CRYBG2: variants seen among roughly 807,000 people sequenced by gnomAD.
The protein encoded by CRYBG2 is beta/gamma crystallin domain-containing protein 2.
CRYBG2 carries 106 observed loss-of-function variants against 153.4 expected under a neutral mutation model. The observed-to-expected ratio is 0.69, with a 90% CI of 0.59 to 0.81. The LOEUF (loss-of-function observed/expected upper bound fraction) is 0.81, where lower values mean the gene tolerates loss of function less well. Among genes scored for constraint, CRYBG2 ranks in the 30% least tolerant of loss-of-function variants. CRYBG2 has a pLI of 0.00. For synonymous variants in CRYBG2, 851 were observed against 877.8 expected (o/e 0.97, Z 0.54); for missense variants, 1,996 against 2,112.0 (o/e 0.95, Z 1.08).
At chr1:26,329,349 G>A (rs751566912) in intron 15 of CRYBG2, among the ~76,000 whole-genome samples, 1 of 151,596 alleles carries the variant, frequency 6.6e-6, no homozygotes, top group Non-Finnish European at 1.5e-5. Flanking sequence ...GCTAATTTTT[G>A]TACTTTTAGT....
chr1:26,324,287 C>T lies in CRYBG2; in HGVS notation c.4602G>A (p.Trp1534Ter). The T allele has an allele frequency of 6.2e-7, 1 of 1,609,256 alleles. No individual in the cohort carries two copies. The highest frequency in any genetic ancestry group is 1.7e-4 in the Middle Eastern group (1 of 6,056). ...IKQRRVYFRL[W>*]NAALGGFLAV... ...CCAGGAATCCCCCCAGTGCTGCATT[C>T]CAGAGGCGGAAATAAACCCGGCGCT... The change falls in exon 18 of 20, where the codon TGG (tryptophan) becomes TGA (stop). Residue 1534 changes from tryptophan (W) to a stop codon, truncating the protein, a stop_gained. Transcript: ENST00000308182. LOFTEE classifies it high-confidence loss of function.
In CRYBG2 at chr1:26,336,453, C is replaced by G. The variant is rs914403808; in HGVS notation, c.4039-83G>C. 12 of 1,567,370 alleles carry G rather than the reference C, an allele frequency of 7.7e-6. No homozygotes were observed. The highest frequency in any genetic ancestry group is 2.7e-5 in the African/African-American group (2 of 73,476). ...CTCTAGGTTTCAGTACCGTCCACCC[C>G]GCGGCCGCGCCCTCGGCCCCGCCCC... is the stretch of plus-strand genomic sequence containing the variant. On this transcript the variant is annotated intron_variant, in intron 12 of 19. Coordinates refer to ENST00000308182, the MANE Select transcript of CRYBG2 (RefSeq NM_001039775.4). This position sits in a 1 kb window ranked among gnomAD's most constrained non-coding sequence, Gnocchi z 4.9.
In CRYBG2 at chr1:26,336,736, C is replaced by A. The variant is rs376518793; in HGVS notation, c.3912-4G>T. On this transcript the variant is annotated splice_polypyrimidine_tract_variant and splice_region_variant and intron_variant, in intron 11 of 19. Transcript: ENST00000308182. The surrounding 1 kb of genome is among the most constrained non-coding windows in gnomAD (Gnocchi z 4.9). Reference sequence around the variant, plus strand: ...CACCTCCTGGTAGGCCACCCACCTGCAGGAAGGGCGGGGCGCGAGTCAGCT... The same window carrying A: ...CACCTCCTGGTAGGCCACCCACCTGAAGGAAGGGCGGGGCGCGAGTCAGCT... 6.3e-7 allele frequency: 1 copy of A among 1,584,012 alleles called. No individual in the cohort carries two copies. The highest frequency in any genetic ancestry group is 8.6e-7 in the Non-Finnish European group (1 of 1,164,894).
chr1:26,342,062 A>T (rs896356818), intron 5 of CRYBG2, among the ~76,000 whole-genome samples: 1 of 152,122 alleles, frequency 6.6e-6, no homozygotes, highest in African/African-American at 2.4e-5. Context: ...TGCCTGGCAC[A>T]TATTAGACAT....
chr1:26,344,722 C>T lies in CRYBG2; in HGVS notation c.1936G>A (p.Glu646Lys). The T allele has an allele frequency of 1.3e-6, 2 of 1,534,718 alleles. No homozygotes were observed. Among genetic ancestry groups the T allele is most frequent in the Non-Finnish European group, 1.7e-6 (2 of 1,146,006 alleles). ...GPKGSSSIQK[E>K]AVQGIAGSLA... The stretch of plus-strand genomic sequence containing the variant: ...CTGCCTGCAATACCCTGGACAGCCT[C>T]TTTTTGGATGCTACTGCTGCCTTTT... Residue 646 changes from glutamate (E) to lysine (K), a missense_variant, in exon 2 of 20, where the codon GAG becomes AAG. Coordinates refer to ENST00000308182, the MANE Select transcript of CRYBG2 (RefSeq NM_001039775.4).
chr1:26,328,235 C>T lies in CRYBG2; in HGVS notation c.4552G>A (p.Val1518Met). The part of the protein sequence containing the change: ...NWLTYSGTQR[V>M]GSLYPIKQRR... ...TGCTTGATGGGGTAGAGGGAGCCCA[C>T]CCTCTGGGTGCCGCTGTAGGTCAGC... is the stretch of plus-strand genomic sequence containing the variant. The change falls in exon 17 of 20, where the codon GTG (valine) becomes ATG (methionine). Residue 1518 changes from valine to methionine, a missense_variant. By Grantham distance (21) the Val-to-Met change is conservative. Coordinates refer to ENST00000308182, the MANE Select transcript of CRYBG2 (RefSeq NM_001039775.4). 6.4e-7 allele frequency: 1 copy of T among 1,565,182 alleles called. No homozygotes were observed. The highest frequency in any genetic ancestry group is 8.7e-7 in the Non-Finnish European group (1 of 1,154,838).
chr1:26,344,344 G>A lies in CRYBG2; in HGVS notation c.2314C>T (p.Arg772Trp), dbSNP rs754288326. 120 of 1,503,802 alleles carry A rather than the reference G, an allele frequency of 8.0e-5. No individual in the cohort carries two copies. Among genetic ancestry groups the A allele is most frequent in the Middle Eastern group, 3.5e-4 (2 of 5,770 alleles). The allele number at this position is 1,503,802 out of a possible 1,614,324, so 93.2% of individuals were successfully genotyped here. ...AGGATCTCAGGGGGCTCCATGCTCC[G>A]CAGCGTATCCAGGAATATCTCCAGG... is the stretch of plus-strand genomic sequence containing the variant. ...ADLEIFLDTL[R>W]SMEPPEILRT... is the part of the protein sequence containing the mutation. The change falls in exon 2 of 20, where the codon CGG (arginine) becomes TGG (tryptophan). Residue 772 changes from arginine to tryptophan, a missense_variant. Coordinates refer to ENST00000308182, the MANE Select transcript of CRYBG2 (RefSeq NM_001039775.4).
chr1:26,338,477 C>T lies in CRYBG2; in HGVS notation c.3345G>A (p.Leu1115=), dbSNP rs11247919. Residue 1115 remains leucine, a splice_region_variant and synonymous_variant, in exon 7 of 20, where the codon CTG becomes CTA. Transcript: ENST00000308182. The stretch of plus-strand genomic sequence containing the variant: ...ATAATGGTTTGGGGTACAGTAGCCA[C>T]CTAGGGGAAACAGAGAGGCTGCTGC... ...QVASATVSAG[L]WLLYPKPLFE... 0.39 allele frequency: 620,907 copies of T among 1,600,136 alleles called. 126,414 individuals carry two copies. The highest frequency in any genetic ancestry group is 0.44 in the African/African-American group (32,737 of 74,390).
In CRYBG2 at chr1:26,335,736, ATTG is replaced by A. The variant is rs77195806; in HGVS notation, c.4184+356_4184+358del. ...ACTGGGTATTGGGTAATATGAATAA[ATTG>A]TTATTAATTTTATTAGATGTGATAA... On this transcript the variant is annotated intron_variant, in intron 14 of 19. Transcript: ENST00000308182. Among the ~76,000 whole-genome samples the A allele has an allele frequency of 1.3e-3, 192 of 152,264 alleles. 2 individuals carry two copies. In the East Asian group the frequency reaches 0.032, roughly 26 times the overall value.
chr1:26,326,880 T>C, intron 17 of CRYBG2: 1 of 496,140 alleles, frequency 2.0e-6, no homozygotes, highest in Non-Finnish European at 4.0e-6. Context: ...AAAGTTCTTA[T>C]GAGATTGTCC....
rs769026407 is a variant in CRYBG2, at chr1:26,346,570, C to T, written c.88G>A (p.Glu30Lys). ...LTWRQRPPTQ[E>K]EIKHGFHKVS... ...TTGTGAAAACCATGTTTGATCTCTTCCTGGGTGGGGGGCCGCTGCCGCCAT... is the reference window on the plus strand; with the variant it reads ...TTGTGAAAACCATGTTTGATCTCTTTCTGGGTGGGGGGCCGCTGCCGCCAT... Residue 30 changes from glutamate to lysine, a missense_variant, in exon 2 of 20, where the codon GAA (glutamate) becomes AAA (lysine). By Grantham distance (56) the Glu-to-Lys change is moderately conservative. Transcript: ENST00000308182. This position sits in a 1 kb window ranked among gnomAD's most constrained non-coding sequence, Gnocchi z 4.9. 6.2e-7 allele frequency: 1 copy of T among 1,606,136 alleles called. No homozygotes were observed. The highest frequency in any genetic ancestry group is 1.1e-5 in the South Asian group (1 of 89,744).
intron 18 of CRYBG2, among the ~76,000 whole-genome samples, chr1:26,323,248 T>C (rs2073882033): frequency 6.6e-6 from 1 of 151,962 alleles, no homozygotes; most frequent in Non-Finnish European, 1.5e-5. Context: ...ATCCGGCTAG[T>C]TTTTTTATTT....
Position 26,322,290 on chromosome 1 carries a change from G to A in CRYBG2, c.4771C>T (p.Pro1591Ser), listed in dbSNP as rs2073869142. 7.4e-6 allele frequency: 12 copies of A among 1,613,730 alleles called. No individual in the cohort carries two copies. The highest frequency in any genetic ancestry group is 1.0e-5 in the Non-Finnish European group (12 of 1,179,990). ...APTMSLQVIGPPSPGSKVVLW... is the reference protein window; with the variant it reads ...APTMSLQVIGSPSPGSKVVLW... ...ACCACCTTGGAGCCTGGGCTAGGGG[G>A]TCCAATCACCTGTAGGCTCATGGTG... Residue 1591 changes from proline to serine, a missense_variant, in exon 19 of 20, where the codon CCC becomes TCC. By Grantham distance (74) the Pro-to-Ser change is moderately conservative (BLOSUM62 -1). Transcript: ENST00000308182.
intron 1 of CRYBG2, among the ~76,000 whole-genome samples, chr1:26,353,200 G>T (rs968869926): frequency 5.9e-5 from 9 of 152,134 alleles, no homozygotes; most frequent in African/African-American, 2.2e-4. Context: ...GGTGACAGGG[G>T]TTGGGATCAG....
chr1:26,342,169 C>G (rs1005530061), intron 5 of CRYBG2, among the ~76,000 whole-genome samples: 2 of 152,134 alleles, frequency 1.3e-5, no homozygotes, highest in Non-Finnish European at 2.9e-5. Flanking sequence ...CAGGTAACCC[C>G]CACGTTCCCT....
rs550212830 is a variant in CRYBG2, at chr1:26,346,189, G to T, written c.469C>A (p.Pro157Thr). The change falls in exon 2 of 20, where the codon CCA becomes ACA. Residue 157 changes from proline (P) to threonine (T), a missense_variant. Coordinates refer to ENST00000308182, the MANE Select transcript of CRYBG2 (RefSeq NM_001039775.4). The surrounding 1 kb of genome is among the most constrained non-coding windows in gnomAD (Gnocchi z 4.9). Reference sequence around the variant, plus strand: ...CTACCACTGGTGAGACCTACACCTGGGTGGGGACTTGGCTCTCGGGGCCCA... The same window carrying T: ...CTACCACTGGTGAGACCTACACCTGTGTGGGGACTTGGCTCTCGGGGCCCA... ...LPGPREPSPH[P>T]GVGLTSGSSR... is the part of the protein sequence containing the mutation. The T allele has an allele frequency of 1.3e-6, 2 of 1,571,458 alleles. No individual in the cohort carries two copies. The highest frequency in any genetic ancestry group is 2.2e-5 in the East Asian group (1 of 44,610).
intron 1 of CRYBG2, among the ~76,000 whole-genome samples, chr1:26,351,535 A>G (rs939327769): frequency 2.0e-5 from 3 of 152,222 alleles, no homozygotes; most frequent in Admixed American, 2.0e-4. Context: ...GGAATTAGAC[A>G]TAAAAACAGG....
intron 1 of CRYBG2, among the ~76,000 whole-genome samples, chr1:26,348,578 C>T (rs1433209572): frequency 6.6e-6 from 1 of 151,946 alleles, no homozygotes; most frequent in Non-Finnish European, 1.5e-5. Context: ...TTTTTTGAGA[C>T]AGAGTCTCGC....
In CRYBG2 at chr1:26,328,408, C is replaced by A. The variant is rs1156356923; in HGVS notation, c.4455-76G>T. 2.0e-6 allele frequency: 3 copies of A among 1,524,858 alleles called. No homozygotes were observed. The African/African-American group carries it at 4.1e-5, about 21-fold the overall frequency. The allele number at this position is 1,524,858 out of a possible 1,614,324, so 94.5% of individuals were successfully genotyped here. On this transcript the variant is annotated intron_variant, in intron 16 of 19. Coordinates refer to ENST00000308182, the MANE Select transcript of CRYBG2 (RefSeq NM_001039775.4). ...AGACAGACAGGTGGAGGAGGAGACA[C>A]AGACGTCAAAACGTTCTCCACCTCC...
Sources: gnomAD v4.1 joint callset for allele counts (sites outside exome capture counted in the v4.1 genomes callset) on GRCh38, gnomAD v4.1.1 for gene constraint, Gnocchi (gnomAD v3.1) non-coding constraint, MANE v1.5 for transcripts, NCBI Gene and HGNC (gene_info 2026-07-23, HGNC 2026-07-21) for gene names.